Variants in RFC3 observed in about 807,000 individuals in gnomAD.
RFC3 encodes replication factor C subunit 3, also known as A1 38 kDa subunit.
Under a neutral mutation model 45.1 loss-of-function variants are expected in RFC3, and 41 were observed. The ratio of observed to expected loss-of-function variants is 0.91; its 90% CI spans 0.71 to 1.18. The LOEUF (loss-of-function observed/expected upper bound fraction) is 1.18. Ranked by LOEUF, RFC3 falls within the 50% of genes most tolerant of loss-of-function variation. The probability of loss-of-function intolerance (pLI) is 0.00; values close to 1 mark genes in which losing one functional copy is unlikely to be tolerated. For missense variants in RFC3, 423 were observed against 428.1 expected, an observed-to-expected ratio of 0.99 and a Z score of 0.10; for synonymous variants, 149 against 144.0, an observed-to-expected ratio of 1.03 and a Z score of -0.25.
At chr13:33,825,668 A>T (rs1306353874) in intron 3 of RFC3, 121 bp from the exon 4 acceptor site, 1 of 458,798 alleles carries the variant, frequency 2.2e-6, no homozygotes, top group Non-Finnish European at 3.7e-6. Context: ...TGAAGGGCTT[A>T]TAATTATAGT....
intron 8 of RFC3, among the ~76,000 whole-genome samples, chr13:33,887,333 G>C (rs1251438511): frequency 6.6e-6 from 1 of 151,552 alleles, no homozygotes; most frequent in Non-Finnish European, 1.5e-5. Flanking sequence ...CATTCTAACA[G>C]GTGTGAGATG....
chr13:33,909,355 G>C (rs906701961), intron 8 of RFC3, among the ~76,000 whole-genome samples: 3 of 151,962 alleles, frequency 2.0e-5, no homozygotes, highest in East Asian at 1.9e-4. Flanking sequence ...TTAGACACGG[G>C]CTTCTCCTAC....
At chr13:33,945,918 T>C (rs570583436) in intron 8 of RFC3, among the ~76,000 whole-genome samples, 1 of 152,342 alleles carries the variant, frequency 6.6e-6, no homozygotes, top group Non-Finnish European at 1.5e-5. Context: ...TTATCTTCTA[T>C]ATATCCAGAT....
intron 8 of RFC3, among the ~76,000 whole-genome samples, chr13:33,908,058 T>A (rs2082681885): frequency 6.6e-6 from 1 of 151,998 alleles, no homozygotes; most frequent in Admixed American, 6.6e-5. Context: ...TTTATTTTCT[T>A]TTTAAGGATA....
At chr13:33,971,877 C>T in the RFC3 span, among the ~76,000 whole-genome samples, 4 of 152,210 alleles carry the variant, frequency 2.6e-5, no homozygotes, top group South Asian at 4.1e-4. Flanking sequence ...TTTGGGAGGT[C>T]GAGGTGGGTG....
intron 8 of RFC3, among the ~76,000 whole-genome samples, chr13:33,950,238 G>A (rs540568641): frequency 2.0e-5 from 3 of 152,186 alleles, no homozygotes; most frequent in Non-Finnish European, 2.9e-5. Context: ...TTTCTTCAGG[G>A]ATGTTCTTAA....
chr13:33,827,773 C>T (rs984281919), intron 4 of RFC3, among the ~76,000 whole-genome samples: 1 of 152,130 alleles, frequency 6.6e-6, no homozygotes, highest in Admixed American at 6.5e-5. Flanking sequence ...GTCTTTCTTG[C>T]ATAACTGTTG....
rs763643347 is a variant in RFC3 at position 33,818,285 on chromosome 13, G to A, written c.87+20G>A. On this transcript the variant is annotated intron_variant, in intron 1 of 8. Transcript: ENST00000380071. Reference sequence around the variant, plus strand: ...AACCTGGTGAGTCTGCGGGGGCCGGGAGCGTGGGAGAGGGGAGGCCCCCCG... The same window carrying A: ...AACCTGGTGAGTCTGCGGGGGCCGGAAGCGTGGGAGAGGGGAGGCCCCCCG... 6.2e-7 allele frequency: 1 copy of A among 1,607,916 alleles called. No individual in the cohort carries two copies.
the RFC3 span, among the ~76,000 whole-genome samples, chr13:33,973,658 T>C: frequency 7.3e-5 from 11 of 149,982 alleles, no homozygotes; most frequent in South Asian, 2.1e-4. Context: ...TCTTCTTCTT[T>C]TTTTTTTTTT....
chr13:33,966,451 T>TATCC lies in RFC3; in HGVS notation c.*327_*330dup. 1.1e-5 allele frequency: 4 copies of TATCC among 352,386 alleles called. No individual in the cohort carries two copies. In the South Asian group the frequency reaches 2.4e-4, roughly 21 times the overall value. The allele number at this position is 352,386 out of a possible 1,614,324, so 21.8% of individuals were successfully genotyped here. A position where few individuals can be genotyped will look rare whatever the true frequency, so the allele number is the denominator to read the frequency against. ...GACCATGGAAGTTTATTTCCATCTG[T>TATCC]ATCCCTACATCTAACTCATCTGCTG... On this transcript the variant is annotated 3_prime_UTR_variant, in exon 9 of 9. Coordinates refer to the RFC3 transcript ENST00000434425.
chr13:33,830,558 A>G (rs2082092414), intron 5 of RFC3, among the ~76,000 whole-genome samples, 161 bp from the exon 6 acceptor site: 1 of 152,218 alleles, frequency 6.6e-6, no homozygotes. Flanking sequence ...ATAATATGCA[A>G]CATTGTGTTA....
At chr13:33,913,562 T>A (rs2082715348) in intron 8 of RFC3, among the ~76,000 whole-genome samples, 10 of 152,162 alleles carry the variant, frequency 6.6e-5, no homozygotes, top group Admixed American at 6.5e-4. Flanking sequence ...TCCCTTTCTA[T>A]ATGACCTTAG....
chr13:33,905,160 A>G (rs1356636238), intron 8 of RFC3, among the ~76,000 whole-genome samples: 1 of 151,574 alleles, frequency 6.6e-6, no homozygotes, highest in Non-Finnish European at 1.5e-5. Context: ...AAATCAGGAT[A>G]GGCCTACAAT....
intron 8 of RFC3, among the ~76,000 whole-genome samples, chr13:33,859,896 T>A (rs1438372268): frequency 6.6e-6 from 1 of 152,166 alleles, no homozygotes; most frequent in East Asian, 1.9e-4. Context: ...TAACCACCAA[T>A]ATGAATATGA....
intron 8 of RFC3, among the ~76,000 whole-genome samples, chr13:33,927,328 T>A (rs141602767): frequency 1.3e-5 from 2 of 152,080 alleles, no homozygotes; most frequent in Non-Finnish European, 2.9e-5. Context: ...TAGGGTTTTA[T>A]TGGGGGAAAG....
intron 8 of RFC3, among the ~76,000 whole-genome samples, chr13:33,876,717 G>A (rs1351811166): frequency 1.3e-5 from 2 of 152,134 alleles, no homozygotes; most frequent in African/African-American, 4.8e-5. Context: ...AACGAGCATG[G>A]GATTATAAAG....
intron 8 of RFC3, among the ~76,000 whole-genome samples, chr13:33,951,592 A>G (rs1244506343): frequency 6.6e-6 from 1 of 151,728 alleles, no homozygotes; most frequent in Non-Finnish European, 1.5e-5. Context: ...TCTTAGAAAA[A>G]TTTTTTCCTT....
chr13:33,830,628 T>C (rs1383949518), intron 5 of RFC3, 91 bp from the exon 6 acceptor site: 37 of 976,646 alleles, frequency 3.8e-5, no homozygotes, highest in Non-Finnish European at 8.9e-6. Context: ...TTGAGAGTAA[T>C]ACAGTTATAA....
intron 8 of RFC3, among the ~76,000 whole-genome samples, chr13:33,862,088 A>G (rs2082344382): frequency 1.3e-5 from 2 of 152,324 alleles, no homozygotes; most frequent in Admixed American, 6.5e-5. Context: ...TCTCACCTTT[A>G]GACATTTTAA....
Sources: gnomAD v4.1 joint callset for allele counts (sites outside exome capture counted in the v4.1 genomes callset) on GRCh38, gnomAD v4.1.1 for gene constraint, MANE v1.5 for transcripts, NCBI Gene and HGNC (gene_info 2026-07-23, HGNC 2026-07-21) for gene names.